Variants in PPP1R7 observed in about 807,000 individuals in gnomAD.
The protein encoded by PPP1R7 is protein phosphatase 1 regulatory subunit 7.
In PPP1R7, 18 loss-of-function variants were observed where a neutral mutation model predicts 45.2. That is an observed-to-expected ratio of 0.40 (90% CI 0.28 to 0.59). The LOEUF (loss-of-function observed/expected upper bound fraction) is 0.59. Ranked by LOEUF, PPP1R7 falls within the 20% of genes least tolerant of loss-of-function variation. The pLI, the probability that PPP1R7 is intolerant of heterozygous loss-of-function variation, is 0.46. For synonymous variants in PPP1R7, 181 were observed against 183.4 expected, an observed-to-expected ratio of 0.99 and a Z score of 0.11; for missense variants, 314 against 455.8, an observed-to-expected ratio of 0.69 and a Z score of 2.83.
intron 7 of PPP1R7, among the ~76,000 whole-genome samples, chr2:241,165,601 T>C (rs1030452674): frequency 4.6e-5 from 7 of 151,936 alleles, no homozygotes; most frequent in Non-Finnish European, 8.8e-5. Flanking sequence ...GTTTGTTTGT[T>C]TGTTCGTTTT....
At chr2:241,160,635 A>C in intron 6 of PPP1R7, 141 bp downstream of exon 6, 1 of 836,768 alleles carries the variant, frequency 1.2e-6, no homozygotes, top group Non-Finnish European at 1.8e-6. Context: ...CAAGGAAATT[A>C]CTATTTTTTT....
At chr2:241,160,240 G>T (rs548955196) in intron 5 of PPP1R7, 92 bp from the exon 6 acceptor site, 2 of 1,034,390 alleles carry the variant, frequency 1.9e-6, no homozygotes, top group Middle Eastern at 3.3e-4. Context: ...GCCGTCCCCT[G>T]ATGGGGACGC....
intron 8 of PPP1R7, 39 bp from the exon 9 acceptor site, chr2:241,169,742 C>G: frequency 6.5e-6 from 10 of 1,531,768 alleles, no homozygotes; most frequent in Non-Finnish European, 9.0e-6. Context: ...CACTGTTGAT[C>G]AGAGGTAATC....
chr2:241,149,848 G>C, upstream of PPP1R7: 1 of 1,479,740 alleles, frequency 6.8e-7, no homozygotes, highest in South Asian at 1.3e-5. Context: ...ACTTGCAAGG[G>C]GAGCCCAGCT....
At chr2:241,159,170 C>T in intron 4 of PPP1R7, 43 bp from the exon 5 acceptor site, 2 of 1,604,988 alleles carry the variant, frequency 1.2e-6, no homozygotes, top group East Asian at 2.2e-5. Context: ...TTCTCGTGGC[C>T]TCCCCCTTGC....
chr2:241,167,422 T>C (rs1422889981), intron 8 of PPP1R7, among the ~76,000 whole-genome samples: 1 of 152,130 alleles, frequency 6.6e-6, no homozygotes, highest in Non-Finnish European at 1.5e-5. Flanking sequence ...GCAAACCAAG[T>C]GTTCACCTGT....
intron 9 of PPP1R7, among the ~76,000 whole-genome samples, chr2:241,179,137 G>A (rs1413617297): frequency 6.6e-6 from 1 of 152,116 alleles, no homozygotes; most frequent in African/African-American, 2.4e-5. Context: ...CCAGGAAAAC[G>A]TCAGCCAAGA....
At chr2:241,149,738 G>C, upstream of PPP1R7, 1 of 1,545,048 alleles carries the variant, frequency 6.5e-7, no homozygotes, top group Non-Finnish European at 8.7e-7. Flanking sequence ...CCTCTTGGAG[G>C]CCTCTTTCTG....
In PPP1R7 at chr2:241,159,303, A is replaced by G. The variant is rs1165947788; in HGVS notation, c.394A>G (p.Ile132Val). 1 of 1,613,836 alleles carries G rather than the reference A, an allele frequency of 6.2e-7. No individual in the cohort carries two copies. The highest frequency in any genetic ancestry group is 1.7e-5 in the Admixed American group (1 of 60,020). Reference sequence around the variant, plus strand: ...AGAGCTGGATCTTTACGACAACCAGATCAAGAAGATTGAGAATCTGGAGGC... The same window carrying G: ...AGAGCTGGATCTTTACGACAACCAGGTCAAGAAGATTGAGAATCTGGAGGC... ...LRELDLYDNQ[I>V]KKIENLEALT... Residue 132 changes from isoleucine to valine, a missense_variant, in exon 5 of 10, where the codon ATC becomes GTC. By Grantham distance (29) the Ile-to-Val change is conservative (BLOSUM62 3). Coordinates refer to ENST00000234038, the MANE Select transcript of PPP1R7 (RefSeq NM_002712.3).
chr2:241,157,751 A>G, intron 2 of PPP1R7, 56 bp from the exon 3 acceptor site: 1 of 1,543,568 alleles, frequency 6.5e-7, no homozygotes, highest in Non-Finnish European at 8.9e-7. Flanking sequence ...GCAGCTCTTC[A>G]CCAGTGCCTC....
chr2:241,157,711 G>A (rs1460933278), intron 2 of PPP1R7, 96 bp from the exon 3 acceptor site: 57 of 1,232,342 alleles, frequency 4.6e-5, no homozygotes, highest in Non-Finnish European at 1.8e-5. Flanking sequence ...CTGGCTCTGG[G>A]CACCAAACAG....
At chr2:241,150,290 G>T, upstream of PPP1R7, 1 of 1,313,988 alleles carries the variant, frequency 7.6e-7, no homozygotes, top group Non-Finnish European at 9.7e-7. Flanking sequence ...CGGCTCCGCC[G>T]CCTGAAATTA....
intron 6 of PPP1R7, among the ~76,000 whole-genome samples, chr2:241,162,074 T>C (rs1463168068): frequency 2.6e-5 from 4 of 152,186 alleles, no homozygotes; most frequent in Non-Finnish European, 2.9e-5. Flanking sequence ...TTGACAGTTA[T>C]TGTTAGAGAT....
chr2:241,180,004 C>A (rs11685235), intron 9 of PPP1R7, among the ~76,000 whole-genome samples: 42,602 of 152,062 alleles, frequency 0.28, 6,163 homozygotes, highest in Non-Finnish European at 0.3. Flanking sequence ...ATGGTCCGCC[C>A]ATCTAGACTA....
chr2:241,172,090 T>C (rs2067826468), intron 9 of PPP1R7, among the ~76,000 whole-genome samples: 1 of 152,032 alleles, frequency 6.6e-6, no homozygotes, highest in Admixed American at 6.5e-5. Flanking sequence ...ATCATCTTAG[T>C]ATTTGTTTTT....
At position 241,183,338 on chromosome 2, in the gene PPP1R7, G is replaced by A; in HGVS notation, c.*515G>A. ...AAAAATTAGGTAAGTTAAAAAAGCTGGGTAAAAGCTGACTCAGCCCTGTGT... is the reference window on the plus strand; with the variant it reads ...AAAAATTAGGTAAGTTAAAAAAGCTAGGTAAAAGCTGACTCAGCCCTGTGT... On this transcript the variant is annotated 3_prime_UTR_variant, in exon 10 of 10. Coordinates refer to ENST00000234038, the MANE Select transcript of PPP1R7 (RefSeq NM_002712.3). 3 of 442,956 alleles carry A rather than the reference G, an allele frequency of 6.8e-6. No homozygotes were observed. The highest frequency in any genetic ancestry group is 5.0e-5 in the South Asian group (3 of 60,100). 27.4% of individuals were successfully genotyped at this position (442,956 alleles called of 1,614,324 possible).
upstream of PPP1R7, chr2:241,149,882 G>A (rs1450944095): frequency 7.6e-6 from 11 of 1,447,740 alleles, no homozygotes; most frequent in Non-Finnish European, 9.0e-6. Context: ...CAGCCAGCTG[G>A]CTAGCGGCCC....
At chr2:241,151,649 C>T (rs1380051006) in intron 1 of PPP1R7, 1 of 447,416 alleles carries the variant, frequency 2.2e-6, no homozygotes, top group East Asian at 7.1e-5. Flanking sequence ...TTTTAAGAAG[C>T]GCCTCTTCAT....
At chr2:241,150,667 C>T (rs1339697589) in intron 1 of PPP1R7, 120 bp downstream of exon 1, 31 of 1,305,038 alleles carry the variant, frequency 2.4e-5, no homozygotes, top group Non-Finnish European at 3.1e-5. Flanking sequence ...CCGCGCGGCC[C>T]CCTGACAGCT....
Sources: allele counts gnomAD v4.1 joint callset (sites outside exome capture counted in the v4.1 genomes callset), GRCh38; gene constraint gnomAD v4.1.1; transcripts MANE v1.5; gene names NCBI Gene and HGNC (gene_info 2026-07-23, HGNC 2026-07-21).